Variants in DCK observed in about 807,000 individuals in gnomAD.
DCK encodes deoxyadenosine kinase.
A neutral mutation model predicts 38.3 loss-of-function variants in DCK; 23 were observed. The observed-to-expected ratio is 0.60, with a 90% CI of 0.43 to 0.85. The LOEUF (loss-of-function observed/expected upper bound fraction) is 0.85, where lower values mean the gene tolerates loss of function less well. DCK is among the 40% of genes least tolerant of loss of function. DCK has a pLI of 0.00. For synonymous variants in DCK, 108 were observed against 100.6 expected (o/e 1.07, Z -0.44); for missense variants, 259 against 304.4 (o/e 0.85, Z 1.11).
chr4:71,010,028 G>A (rs1740044339), intron 2 of DCK, among the ~76,000 whole-genome samples: 1 of 152,064 alleles, frequency 6.6e-6, no homozygotes, highest in East Asian at 1.9e-4. Flanking sequence ...CCTTGGCAAG[G>A]TCAGTCCTAC....
rs1330664068 is a variant in DCK, at chr4:71,030,028, T to C, written c.*650T>C. 2.0e-5 allele frequency: 3 copies of C among 152,698 alleles called. No individual in the cohort carries two copies. Among genetic ancestry groups the C allele is most frequent in the African/African-American group, 7.2e-5 (3 of 41,470 alleles). 9.5% of individuals were successfully genotyped at this position (152,698 alleles called of 1,614,324 possible). A position where few individuals can be genotyped will look rare whatever the true frequency, so the allele number is the denominator to read the frequency against. ...TATTTTGCAAACACTGTGATTACTC[T>C]TTGCTTTGTAGTTTGCTTTGCTTTG... On this transcript the variant is annotated 3_prime_UTR_variant, in exon 7 of 7. Transcript: ENST00000286648.
Position 71,026,696 on chromosome 4 carries a change from A to G in DCK, c.697A>G (p.Ile233Val), listed in dbSNP as rs766322484. The change falls in exon 6 of 7, where the codon ATC (isoleucine) becomes GTC (valine). Residue 233 changes from isoleucine (I) to valine (V), a missense_variant. This residue lies in a region of DCK where 82 missense variants were observed against 103.8 expected (regional missense o/e 0.79). Coordinates refer to ENST00000286648, the MANE Select transcript of DCK (RefSeq NM_000788.3). ...CTTCGATTATCTTCAAGAGGTGCCT[A>G]TCTTAACACTGGATGTTAATGAAGA... ...TNFDYLQEVP[I>V]LTLDVNEDFK... 22 of 1,581,576 alleles carry G rather than the reference A, an allele frequency of 1.4e-5. No homozygotes were observed. In the African/African-American group the frequency reaches 1.8e-4, roughly 13 times the overall value.
intron 2 of DCK, among the ~76,000 whole-genome samples, chr4:71,008,379 T>C (rs1740000100): frequency 6.6e-6 from 1 of 152,238 alleles, no homozygotes; most frequent in South Asian, 2.1e-4. Flanking sequence ...CTAATGAGGC[T>C]GTGTTCCTTT....
intron 6 of DCK, among the ~76,000 whole-genome samples, chr4:71,027,761 A>G (rs1055672908): frequency 1.8e-4 from 27 of 152,180 alleles, no homozygotes; most frequent in Admixed American, 1.7e-3. Flanking sequence ...TCTTCATACT[A>G]CTAATGATGT....
At chr4:71,003,399 T>C (rs956773900) in intron 2 of DCK, among the ~76,000 whole-genome samples, 1 of 152,220 alleles carries the variant, frequency 6.6e-6, no homozygotes, top group African/African-American at 2.4e-5. Context: ...ATTTTTTCCC[T>C]CATTTTAACC....
At position 71,029,568 on chromosome 4, in the gene DCK, T is replaced by C. The variant is rs1253750993; in HGVS notation, c.*190T>C. 5.3e-6 allele frequency: 3 copies of C among 561,630 alleles called. No homozygotes were observed. Among genetic ancestry groups the C allele is most frequent in the Non-Finnish European group, 9.5e-6 (3 of 315,514 alleles). 34.8% of individuals were successfully genotyped at this position (561,630 alleles called of 1,614,324 possible). A position where few individuals can be genotyped will look rare whatever the true frequency, so the allele number is the denominator to read the frequency against. Reference sequence around the variant, plus strand: ...CCAGTTTCTTTTCTTTTGTTTTTTTTTTAAAAAAGACATTTAAAGACAAAG... The same window carrying C: ...CCAGTTTCTTTTCTTTTGTTTTTTTCTTAAAAAAGACATTTAAAGACAAAG... On this transcript the variant is annotated 3_prime_UTR_variant, in exon 7 of 7. Transcript: ENST00000286648.
At chr4:71,020,558 C>T (rs535134164) in intron 2 of DCK, among the ~76,000 whole-genome samples, 3 of 152,312 alleles carry the variant, frequency 2.0e-5, no homozygotes, top group South Asian at 2.1e-4. Flanking sequence ...AAGACCTCTT[C>T]CTCATATACC....
intron 2 of DCK, among the ~76,000 whole-genome samples, chr4:71,014,713 T>G (rs1740207628): frequency 6.6e-6 from 1 of 152,214 alleles, no homozygotes; most frequent in Non-Finnish European, 1.5e-5. Context: ...AGATGTTCTT[T>G]GAAACCAATG....
chr4:71,005,706 T>C (rs1578420810), intron 2 of DCK, among the ~76,000 whole-genome samples: 1 of 151,914 alleles, frequency 6.6e-6, no homozygotes, highest in Non-Finnish European at 1.5e-5. Flanking sequence ...TTCTCCATGT[T>C]GGTCAGGCTG....
intron 1 of DCK, among the ~76,000 whole-genome samples, chr4:70,994,669 G>A (rs1346125247): frequency 6.6e-6 from 1 of 152,124 alleles, no homozygotes; most frequent in East Asian, 1.9e-4. Context: ...TATATTATTA[G>A]CGAAGCATTG....
At chr4:71,016,314 C>T (rs1330556067) in intron 2 of DCK, among the ~76,000 whole-genome samples, 1 of 152,212 alleles carries the variant, frequency 6.6e-6, no homozygotes, top group Non-Finnish European at 1.5e-5. Flanking sequence ...ACATTTCATG[C>T]TCGTGGATAG....
intron 2 of DCK, among the ~76,000 whole-genome samples, chr4:71,001,938 T>C (rs1739811314): frequency 6.6e-6 from 1 of 152,184 alleles, no homozygotes; most frequent in Non-Finnish European, 1.5e-5. Context: ...GATTCATTGA[T>C]TTTTTGAAGA....
At chr4:71,002,046 C>CT (rs1739815181) in intron 2 of DCK, among the ~76,000 whole-genome samples, 1 of 152,094 alleles carries the variant, frequency 6.6e-6, no homozygotes, top group African/African-American at 2.4e-5. Context: ...TTCTCTAGTT[C>CT]TTTTAATTGT....
chr4:71,025,930 A>C lies in DCK; in HGVS notation c.664A>C (p.Lys222Gln), dbSNP rs758563586. Residue 222 changes from lysine to glutamine, a missense_variant and splice_region_variant, in exon 5 of 7, where the codon AAA becomes CAA. By Grantham distance (53) the Lys-to-Gln change is moderately conservative (BLOSUM62 1). Coordinates refer to ENST00000286648, the MANE Select transcript of DCK (RefSeq NM_000788.3). ...HESWLLHRTL[K>Q]TNFDYLQEVP... The stretch of plus-strand genomic sequence containing the variant: ...AAGCTGGCTCCTGCATAGGACACTG[A>C]AGTAAGACTTATTTTTATTTACTAT... 4 of 1,575,664 alleles carry C rather than the reference A, an allele frequency of 2.5e-6. No homozygotes were observed. In the East Asian group the frequency reaches 9.0e-5, roughly 36 times the overall value.
chr4:71,029,462 CT>C lies in DCK; in HGVS notation c.*87del. The C allele has an allele frequency of 1.0e-6, 1 of 982,564 alleles. No individual in the cohort carries two copies. Among genetic ancestry groups the C allele is most frequent in the Non-Finnish European group, 1.6e-6 (1 of 641,122 alleles). The allele number at this position is 982,564 out of a possible 1,614,324, so 60.9% of individuals were successfully genotyped here. On this transcript the variant is annotated 3_prime_UTR_variant, in exon 7 of 7. Transcript: ENST00000286648. ...CGTAACTTCATATTAATATAAGTTT[CT>C]TTAGAAAACCCAAGTTTTTAATCGT...
chr4:71,010,895 T>C (rs1157145299), intron 2 of DCK, among the ~76,000 whole-genome samples: 1 of 151,716 alleles, frequency 6.6e-6, no homozygotes, highest in Non-Finnish European at 1.5e-5. Flanking sequence ...AAACCATACT[T>C]ATTTATGACA....
chr4:71,015,019 G>A (rs1216229647), intron 2 of DCK, among the ~76,000 whole-genome samples: 3 of 152,076 alleles, frequency 2.0e-5, no homozygotes, highest in Non-Finnish European at 4.4e-5. Context: ...TTGATAGACC[G>A]CTAGCAAGAC....
intron 2 of DCK, among the ~76,000 whole-genome samples, chr4:71,015,133 C>G (rs1158944689): frequency 1.3e-5 from 2 of 150,894 alleles, no homozygotes; most frequent in Non-Finnish European, 3.0e-5. Context: ...TCACAGAATA[C>G]TATAAACACC....
chr4:71,020,436 G>T (rs1740386635), intron 2 of DCK, among the ~76,000 whole-genome samples: 1 of 152,180 alleles, frequency 6.6e-6, no homozygotes, highest in Non-Finnish European at 1.5e-5. Context: ...TTTCTCTAAT[G>T]ATAGCATCTA....
Sources: allele counts gnomAD v4.1 joint callset (sites outside exome capture counted in the v4.1 genomes callset), GRCh38; gene constraint gnomAD v4.1.1; regional missense constraint gnomAD v4.1.1; transcripts MANE v1.5; gene names NCBI Gene and HGNC (gene_info 2026-07-23, HGNC 2026-07-21).